Variants in PLD5 observed in about 807,000 individuals in gnomAD.
PLD5 encodes phospholipase D family member 5, also known as inactive phospholipase D5.
In PLD5, 36 loss-of-function variants were observed where a neutral mutation model predicts 61.1. The observed-to-expected ratio is 0.59, with a 90% CI of 0.45 to 0.78. The LOEUF (loss-of-function observed/expected upper bound fraction) is 0.78. Among genes scored for constraint, PLD5 ranks in the 30% least tolerant of loss-of-function variants. The pLI, the probability that PLD5 is intolerant of heterozygous loss-of-function variation, is 0.00. For missense variants in PLD5, 515 were observed against 644.4 expected, an observed-to-expected ratio of 0.80 and a Z score of 2.17; for synonymous variants, 243 against 242.8, an observed-to-expected ratio of 1.00 and a Z score of -0.01.
intron 1 of PLD5, among the ~76,000 whole-genome samples, chr1:242,487,691 A>G (rs1316179200): frequency 2.6e-5 from 4 of 152,194 alleles, no homozygotes; most frequent in Non-Finnish European, 5.9e-5. Flanking sequence ...CTAAAACTCA[A>G]TGATAACAAC....
At chr1:242,346,838 G>C (rs1044278374) in intron 2 of PLD5, among the ~76,000 whole-genome samples, 10 of 152,110 alleles carry the variant, frequency 6.6e-5, no homozygotes, top group African/African-American at 2.4e-4. Flanking sequence ...CCTAGGGTGT[G>C]TTGTTCCCCA....
chr1:242,340,063 C>T lies in PLD5; in HGVS notation c.326+8043G>A, dbSNP rs146027891. ...AAAATACTTCAGAATATTATATAGGCGATAGGCTCACTATCAGCTCAAATG... is the reference window on the plus strand; with the variant it reads ...AAAATACTTCAGAATATTATATAGGTGATAGGCTCACTATCAGCTCAAATG... On this transcript the variant is annotated intron_variant, in intron 2 of 9. Coordinates refer to ENST00000536534, the MANE Select transcript of PLD5 (RefSeq NM_001372062.1). Among the ~76,000 whole-genome samples, 1,304 of 152,170 alleles carry T rather than the reference C, an allele frequency of 8.6e-3. 12 individuals are homozygous for T. Among genetic ancestry groups the T allele is most frequent in the African/African-American group, 0.029 (1,207 of 41,530 alleles).
At chr1:242,112,321 G>GTGTGTGTA (rs1553301149) in intron 7 of PLD5, among the ~76,000 whole-genome samples, 2 of 82,448 alleles carry the variant, frequency 2.4e-5, no homozygotes, top group Admixed American at 1.4e-4. Context: ...GTGTGTGTGT[G>GTGTGTGTA]TGTATGTATG....
intron 4 of PLD5, among the ~76,000 whole-genome samples, chr1:242,229,045 A>G (rs1279603622): frequency 2.6e-5 from 4 of 152,226 alleles, no homozygotes; most frequent in South Asian, 4.1e-4. Context: ...TTTTAATATT[A>G]GACTAAAATT....
chr1:242,318,531 T>C (rs1658171395), intron 2 of PLD5, among the ~76,000 whole-genome samples: 1 of 152,214 alleles, frequency 6.6e-6, no homozygotes, highest in African/African-American at 2.4e-5. Context: ...GTTTGCATCT[T>C]GGTTCCTGGA....
At chr1:242,259,177 C>T (rs572055876) in intron 4 of PLD5, among the ~76,000 whole-genome samples, 8 of 152,228 alleles carry the variant, frequency 5.3e-5, no homozygotes, top group Non-Finnish European at 1.2e-4. Context: ...GGCATGGTGG[C>T]ACATGCCTCT....
intron 5 of PLD5, among the ~76,000 whole-genome samples, chr1:242,162,863 G>A (rs1413550150): frequency 6.6e-6 from 1 of 152,106 alleles, no homozygotes; most frequent in African/African-American, 2.4e-5. Flanking sequence ...TTGGGGTGGA[G>A]GGTAGATGGT....
chr1:242,324,996 T>C lies in PLD5; in HGVS notation c.326+23110A>G, dbSNP rs1353684465. ...TGAATTTTAGAGAAGCTGATTTGAG[T>C]AATAGCAAAACTCTGGTCTCCTGTT... On this transcript the variant is annotated intron_variant, in intron 2 of 9. Transcript: ENST00000536534. 2.0e-5 allele frequency among the ~76,000 whole-genome samples: 3 copies of C among 152,176 alleles called. No homozygotes were observed. The East Asian group carries it at 5.8e-4, about 29-fold the overall frequency.
chr1:242,180,684 G>A lies in PLD5; in HGVS notation c.735+39304C>T, dbSNP rs932684796. On this transcript the variant is annotated intron_variant, in intron 5 of 9. Transcript: ENST00000536534. The stretch of plus-strand genomic sequence containing the variant: ...TTAATAGGTCTGTGTTGGAACTCAA[G>A]GATTTGCCAGGTGGGGATGGGCGTG... Among the ~76,000 whole-genome samples, 5 of 152,124 alleles carry A rather than the reference G, an allele frequency of 3.3e-5. 1 individual carries two copies. Among genetic ancestry groups the A allele is most frequent in the Admixed American group, 2.0e-4 (3 of 15,268 alleles).
intron 1 of PLD5, among the ~76,000 whole-genome samples, chr1:242,511,440 C>T (rs920803630): frequency 2.4e-4 from 37 of 152,192 alleles, no homozygotes; most frequent in African/African-American, 7.7e-4. Flanking sequence ...GTGAGAAACA[C>T]GGCGAACACT....
rs4658478 is a variant in PLD5 at position 242,339,438 on chromosome 1, T to A, written c.326+8668A>T. Among the ~76,000 whole-genome samples the A allele has an allele frequency of 9.0e-4, 137 of 152,354 alleles. 1 individual carries two copies. The South Asian group carries it at 0.011, about 12-fold the overall frequency. On this transcript the variant is annotated intron_variant, in intron 2 of 9. Coordinates refer to ENST00000536534, the MANE Select transcript of PLD5 (RefSeq NM_001372062.1). ...AAGTGAAGAATCAAAGAGGGATGAG[T>A]TTCTTCAGCTCAGGACTCAGAGAAT...
intron 2 of PLD5, among the ~76,000 whole-genome samples, chr1:242,314,456 T>G (rs921130829): frequency 6.6e-6 from 1 of 152,184 alleles, no homozygotes; most frequent in Admixed American, 6.5e-5. Flanking sequence ...TAAGGTAGCT[T>G]GAATCACCTC....
intron 1 of PLD5, among the ~76,000 whole-genome samples, chr1:242,359,584 C>T (rs1660957233): frequency 6.6e-6 from 1 of 152,168 alleles, no homozygotes; most frequent in Admixed American, 6.5e-5. Flanking sequence ...ACTAATTTTA[C>T]TTTCAAGAAA....
chr1:242,334,201 T>C (rs1267961528), intron 2 of PLD5, among the ~76,000 whole-genome samples: 4 of 152,120 alleles, frequency 2.6e-5, no homozygotes, highest in Non-Finnish European at 5.9e-5. Flanking sequence ...CAGTATTGTA[T>C]GGGCAAGCTT....
chr1:242,164,493 T>C lies in PLD5; in HGVS notation c.736-39828A>G, dbSNP rs79104799. 1.9e-3 allele frequency among the ~76,000 whole-genome samples: 290 copies of C among 152,166 alleles called. 3 individuals carry two copies. Among genetic ancestry groups the C allele is most frequent in the African/African-American group, 6.8e-3 (282 of 41,498 alleles). ...CATGTTAATCATCAGTACATGGACA[T>C]GTTATTTGCAAATGGAATTCAGGTC... On this transcript the variant is annotated intron_variant, in intron 5 of 9. Transcript: ENST00000536534.
intron 1 of PLD5, among the ~76,000 whole-genome samples, chr1:242,369,298 G>A (rs1661506610): frequency 6.6e-6 from 1 of 152,112 alleles, no homozygotes. Flanking sequence ...ATGCAAACTG[G>A]CAGAGCTTGC....
chr1:242,184,830 G>A (rs181395579), intron 5 of PLD5, among the ~76,000 whole-genome samples: 37 of 152,322 alleles, frequency 2.4e-4, no homozygotes, highest in African/African-American at 8.9e-4. Context: ...AGCAGTTGAA[G>A]TACTTTGCTG....
chr1:242,411,964 C>T (rs1308340336), intron 1 of PLD5, among the ~76,000 whole-genome samples: 2 of 151,976 alleles, frequency 1.3e-5, no homozygotes, highest in African/African-American at 2.4e-5. Context: ...AGAGAGGGAG[C>T]TGTGAGACCA....
At chr1:242,395,061 G>GTA (rs10550693) in intron 1 of PLD5, among the ~76,000 whole-genome samples, 1 of 84,956 alleles carries the variant, frequency 1.2e-5, no homozygotes, top group Non-Finnish European at 2.6e-5. Flanking sequence ...GAATATATAT[G>GTA]TATATATATG....
Sources: gnomAD v4.1 joint callset for allele counts (sites outside exome capture counted in the v4.1 genomes callset) on GRCh38, gnomAD v4.1.1 for gene constraint, MANE v1.5 for transcripts, NCBI Gene and HGNC (gene_info 2026-07-23, HGNC 2026-07-21) for gene names.